The following VWC2L variants were observed in gnomAD, a reference collection of about 807,000 sequenced individuals.
The protein encoded by VWC2L is von Willebrand factor C domain containing 2 like.
In VWC2L, 10 loss-of-function variants were observed where a neutral mutation model predicts 21.6. That is an observed-to-expected ratio of 0.46 (90% CI 0.29 to 0.78). VWC2L has a LOEUF of 0.78. VWC2L is among the 30% of genes least tolerant of loss of function. The pLI is 0.10. For synonymous variants in VWC2L, 96 were observed against 94.3 expected, an observed-to-expected ratio of 1.02 and a Z score of -0.10; for missense variants, 209 against 277.1, an observed-to-expected ratio of 0.75 and a Z score of 1.74.
intron 3 of VWC2L, among the ~76,000 whole-genome samples, chr2:214,562,269 T>C (rs941381518): frequency 1.3e-5 from 2 of 152,180 alleles, no homozygotes; most frequent in South Asian, 2.1e-4. Context: ...CCGTGTTAGT[T>C]TGCTGAGGAT....
chr2:214,430,545 T>A (rs556215277), intron 2 of VWC2L, among the ~76,000 whole-genome samples: 165 of 152,334 alleles, frequency 1.1e-3, no homozygotes, highest in African/African-American at 3.2e-3. Flanking sequence ...AATTTTTTTT[T>A]AAATTAGACA....
chr2:214,443,372 A>T (rs763652435), intron 3 of VWC2L, among the ~76,000 whole-genome samples: 9 of 152,098 alleles, frequency 5.9e-5, no homozygotes, highest in Non-Finnish European at 1.2e-4. Flanking sequence ...ACTCCATCTC[A>T]AAAACAAAAA....
At chr2:214,575,571 C>A in intron 3 of VWC2L, 101 bp from the exon 4 acceptor site, 1 of 1,343,994 alleles carries the variant, frequency 7.4e-7, no homozygotes, top group Non-Finnish European at 1.0e-6. Context: ...GTAGAGTAGT[C>A]TGACTTACTC....
rs564756428 is a variant in VWC2L, at chr2:214,414,374, T to C, written c.181T>C (p.Tyr61His). Residue 61 changes from tyrosine (Y) to histidine (H), a missense_variant, in exon 2 of 4, where the codon TAC becomes CAC. By Grantham distance (83) the Tyr-to-His change is moderately conservative. Transcript: ENST00000312504. ...KGCVDDSGFV[Y>H]KLGERFFPGH... is the part of the protein sequence containing the mutation. Reference sequence around the variant, plus strand: ...GTGTGTCGATGACAGCGGCTTTGTATACAAGTTGGGAGAACGATTTTTCCC... The same window carrying C: ...GTGTGTCGATGACAGCGGCTTTGTACACAAGTTGGGAGAACGATTTTTCCC... 1 of 1,613,804 alleles carries C rather than the reference T, an allele frequency of 6.2e-7. No homozygotes were observed. The highest frequency in any genetic ancestry group is 1.1e-5 in the South Asian group (1 of 91,062).
intron 3 of VWC2L, among the ~76,000 whole-genome samples, chr2:214,537,190 T>A (rs941040215): frequency 6.6e-6 from 1 of 152,094 alleles, no homozygotes; most frequent in Non-Finnish European, 1.5e-5. Context: ...TTGTAAGTTC[T>A]TGGAAGACAG....
chr2:214,509,114 G>C (rs1006735263), intron 3 of VWC2L, among the ~76,000 whole-genome samples: 1 of 151,988 alleles, frequency 6.6e-6, no homozygotes, highest in Non-Finnish European at 1.5e-5. Context: ...GATGCACACA[G>C]GCTTGAGCCT....
At chr2:214,447,199 A>G (rs1380700992) in intron 3 of VWC2L, among the ~76,000 whole-genome samples, 2 of 152,130 alleles carry the variant, frequency 1.3e-5, no homozygotes, top group Non-Finnish European at 2.9e-5. Flanking sequence ...ATGAATACCT[A>G]GAAATGATAT....
intron 3 of VWC2L, among the ~76,000 whole-genome samples, chr2:214,527,405 AAAAAT>A (rs1689358768): frequency 6.6e-6 from 1 of 152,166 alleles, no homozygotes. Flanking sequence ...GTTGAAATAA[AAAAAT>A]AAAAGAAGAA....
At chr2:214,486,151 A>G (rs1379470362) in intron 3 of VWC2L, among the ~76,000 whole-genome samples, 1 of 152,164 alleles carries the variant, frequency 6.6e-6, no homozygotes, top group Non-Finnish European at 1.5e-5. Context: ...AGCCCTTTTA[A>G]TTGCTTATTT....
rs72947116 is a variant in VWC2L at position 214,575,500 on chromosome 2, T to C, written c.521-172T>C. On this transcript the variant is annotated intron_variant, in intron 3 of 3. Transcript: ENST00000312504. Reference sequence around the variant, plus strand: ...GGAAATATGAGCTGTGTGCAAAAGGTAGCAGAGTTGCAACTTTGAATTTCA... The same window carrying C: ...GGAAATATGAGCTGTGTGCAAAAGGCAGCAGAGTTGCAACTTTGAATTTCA... 4.9e-3 allele frequency among the ~76,000 whole-genome samples: 741 copies of C among 152,248 alleles called. 4 individuals are homozygous for C. The highest frequency in any genetic ancestry group is 0.02 in the Middle Eastern group (6 of 294).
chr2:214,414,594 C>A lies in VWC2L; in HGVS notation c.390+11C>A, dbSNP rs760018329. The A allele has an allele frequency of 1.2e-5, 19 of 1,604,140 alleles. No homozygotes were observed. The East Asian group carries it at 1.3e-4, about 11-fold the overall frequency. ...TTGGAGGAATTTAAGGTATGCGTTA[C>A]CCTCCATATTTATTGAAATATCAAC... On this transcript the variant is annotated intron_variant, in intron 2 of 3. Coordinates refer to ENST00000312504, the MANE Select transcript of VWC2L (RefSeq NM_001080500.4).
intron 3 of VWC2L, among the ~76,000 whole-genome samples, chr2:214,561,148 C>CTTTAA (rs1689963202): frequency 1.3e-5 from 2 of 152,152 alleles, no homozygotes; most frequent in East Asian, 3.8e-4. Flanking sequence ...TTGCTGGGCC[C>CTTTAA]CATACCCAGT....
At chr2:214,486,134 T>C (rs555448314) in intron 3 of VWC2L, among the ~76,000 whole-genome samples, 32 of 152,310 alleles carry the variant, frequency 2.1e-4, no homozygotes, top group African/African-American at 7.2e-4. Context: ...TATAATTATA[T>C]ACCCAGAGCC....
intron 3 of VWC2L, among the ~76,000 whole-genome samples, chr2:214,529,845 T>C (rs1016537933): frequency 3.3e-5 from 5 of 152,280 alleles, no homozygotes; most frequent in African/African-American, 1.2e-4. Context: ...TCTGTTCAAG[T>C]GATTCATGCT....
intron 3 of VWC2L, among the ~76,000 whole-genome samples, chr2:214,471,408 T>A (rs890084595): frequency 3.9e-5 from 6 of 152,214 alleles, no homozygotes; most frequent in African/African-American, 7.2e-5. Flanking sequence ...CACTGTAGAA[T>A]GAGTAGGTTG....
intron 3 of VWC2L, among the ~76,000 whole-genome samples, chr2:214,512,655 C>G (rs1689074221): frequency 6.6e-6 from 1 of 151,962 alleles, no homozygotes; most frequent in African/African-American, 2.4e-5. Context: ...ATGTTACAAA[C>G]CAATGACCAA....
intron 3 of VWC2L, among the ~76,000 whole-genome samples, chr2:214,513,745 A>C (rs1689095765): frequency 6.6e-6 from 1 of 152,136 alleles, no homozygotes; most frequent in Non-Finnish European, 1.5e-5. Context: ...GTTGGGAAAC[A>C]CAAGTTATAA....
At chr2:214,510,807 T>C (rs1689040164) in intron 3 of VWC2L, among the ~76,000 whole-genome samples, 1 of 152,186 alleles carries the variant, frequency 6.6e-6, no homozygotes, top group Non-Finnish European at 1.5e-5. Context: ...TACTCTTGGC[T>C]CATGTGGTAG....
At chr2:214,425,749 T>G (rs1303141472) in intron 2 of VWC2L, among the ~76,000 whole-genome samples, 2 of 152,178 alleles carry the variant, frequency 1.3e-5, no homozygotes, top group Non-Finnish European at 2.9e-5. Context: ...GCGGTAGATC[T>G]TGTGGGCTAT....
Sources: allele counts gnomAD v4.1 joint callset (sites outside exome capture counted in the v4.1 genomes callset), GRCh38; gene constraint gnomAD v4.1.1; transcripts MANE v1.5; gene names NCBI Gene and HGNC (gene_info 2026-07-23, HGNC 2026-07-21).